The following PTPRN2 variants were observed in gnomAD, a reference collection of about 807,000 sequenced individuals.
The protein encoded by PTPRN2 is protein tyrosine phosphatase receptor type N2.
Under a neutral mutation model 118.8 loss-of-function variants are expected in PTPRN2, and 74 were observed. That is an observed-to-expected ratio of 0.62 (90% CI 0.52 to 0.76). The LOEUF (loss-of-function observed/expected upper bound fraction) is 0.76. PTPRN2 is among the 30% of genes least tolerant of loss of function. The probability of loss-of-function intolerance (pLI) is 0.00; values close to 1 mark genes in which losing one functional copy is unlikely to be tolerated. For missense variants in PTPRN2, 1,481 were observed against 1,394.4 expected (o/e 1.06, Z -0.99); for synonymous variants, 641 against 608.0 (o/e 1.05, Z -0.80).
chr7:158,359,649 G>A (rs140209257), intron 2 of PTPRN2, among the ~76,000 whole-genome samples: 4,586 of 152,216 alleles, frequency 0.03, 106 homozygotes, highest in Middle Eastern at 0.048. Flanking sequence ...TTACTGCACC[G>A]TGACCATGGC....
rs1318121005 is a variant in PTPRN2, at chr7:158,336,768, T to A, written c.164-19836A>T. ...GTCACTCACACCCACAGTCTCACCA[T>A]AAGAGGTGACACCTGCAGACGTCAC... is the stretch of plus-strand genomic sequence containing the variant. On this transcript the variant is annotated intron_variant, in intron 2 of 22. Coordinates refer to ENST00000389418, the MANE Select transcript of PTPRN2 (RefSeq NM_002847.5). Among the ~76,000 whole-genome samples, 4 of 98,604 alleles carry A rather than the reference T, an allele frequency of 4.1e-5. 1 individual carries two copies. Among genetic ancestry groups the A allele is most frequent in the Non-Finnish European group, 9.1e-5 (4 of 44,178 alleles). 64.7% of individuals were successfully genotyped at this position (98,604 alleles called of 152,430 possible). A position where few individuals can be genotyped will look rare whatever the true frequency, so the allele number is the denominator to read the frequency against.
At chr7:158,262,915 GCACACACATTCACACACTGCA>G (rs1464680770) in intron 3 of PTPRN2, among the ~76,000 whole-genome samples, 3,229 of 126,380 alleles carry the variant, frequency 0.026, 108 homozygotes, top group African/African-American at 0.092. Context: ...CATTCACACT[GCACACACATTCACACACTGCA>G]CACACACATT....
chr7:158,194,250 G>A (rs1186028103), intron 4 of PTPRN2, among the ~76,000 whole-genome samples: 3 of 152,214 alleles, frequency 2.0e-5, no homozygotes, highest in South Asian at 2.1e-4. Context: ...CAAAGATTTC[G>A]TAGACATGGA....
intron 2 of PTPRN2, among the ~76,000 whole-genome samples, chr7:158,334,675 AC>A (rs1302212331): frequency 1.9e-4 from 15 of 77,938 alleles, no homozygotes; most frequent in Admixed American, 5.5e-4. Flanking sequence ...TGCAGACGTC[AC>A]TCACACCCAC....
At chr7:158,476,551 C>T (rs940773574) in intron 2 of PTPRN2, among the ~76,000 whole-genome samples, 13 of 152,192 alleles carry the variant, frequency 8.5e-5, no homozygotes, top group African/African-American at 2.4e-4. Flanking sequence ...AGACGCCGCT[C>T]GGGAGGGAGA....
At position 157,763,765 on chromosome 7, in the gene PTPRN2, GA is replaced by G. The variant is rs1802285450; in HGVS notation, c.1789-80829del. ...TTGCTGGAGTCTCCTGAGGGCAGGA[GA>G]GCCCCGGCAGTGGTAGGAGGAGGCT... On this transcript the variant is annotated intron_variant, in intron 12 of 22. Transcript: ENST00000389418. The surrounding 1 kb of genome is among the most constrained non-coding windows in gnomAD (Gnocchi z 4.9). 3.3e-5 allele frequency among the ~76,000 whole-genome samples: 5 copies of G among 152,060 alleles called. No homozygotes were observed. The highest frequency in any genetic ancestry group is 3.3e-4 in the Admixed American group (5 of 15,276).
intron 11 of PTPRN2, among the ~76,000 whole-genome samples, chr7:157,943,500 G>T (rs6946137): frequency 0.85 from 127,958 of 151,398 alleles, 54,197 homozygotes; most frequent in East Asian, 0.89. Flanking sequence ...CCCCACCTCC[G>T]CCCCATCCCT....
intron 12 of PTPRN2, among the ~76,000 whole-genome samples, chr7:157,749,064 G>C (rs1167894667): frequency 2.5e-4 from 25 of 100,978 alleles, no homozygotes; most frequent in African/African-American, 8.6e-4. Flanking sequence ...TCCCTGAGCT[G>C]TGGGCTGTCC....
intron 11 of PTPRN2, among the ~76,000 whole-genome samples, chr7:157,995,924 CA>C (rs1451856759): frequency 6.6e-6 from 1 of 152,204 alleles, no homozygotes; most frequent in East Asian, 1.9e-4. Context: ...TGTGTCCACA[CA>C]ATGGAATACT....
intron 12 of PTPRN2, among the ~76,000 whole-genome samples, chr7:157,837,558 C>T (rs772625411): frequency 6.6e-6 from 1 of 151,780 alleles, no homozygotes; most frequent in Non-Finnish European, 1.5e-5. Context: ...CCCCAGCACA[C>T]GCACCCAGGA....
chr7:158,369,521 C>T lies in PTPRN2; in HGVS notation c.164-52589G>A, dbSNP rs1004783378. 5.9e-5 allele frequency among the ~76,000 whole-genome samples: 9 copies of T among 152,182 alleles called. No homozygotes were observed. In the East Asian group the frequency reaches 9.7e-4, roughly 16 times the overall value. ...GGCCACACATGGCATCTGCCTGAAC[C>T]GAGAGGAAACGCCTCCCACTGTCCA... On this transcript the variant is annotated intron_variant, in intron 2 of 22. Transcript: ENST00000389418.
chr7:158,473,399 C>T (rs1016995625), intron 2 of PTPRN2, among the ~76,000 whole-genome samples: 1 of 152,222 alleles, frequency 6.6e-6, no homozygotes, highest in Non-Finnish European at 1.5e-5. Flanking sequence ...CGGGAGGCTA[C>T]ATCCACGCCC....
At position 157,615,499 on chromosome 7, in the gene PTPRN2, G is replaced by T. The variant is rs777149278; in HGVS notation, c.2344+5863C>A. On this transcript the variant is annotated intron_variant, in intron 15 of 22. Coordinates refer to ENST00000389418, the MANE Select transcript of PTPRN2 (RefSeq NM_002847.5). This position sits in a 1 kb window ranked among gnomAD's most constrained non-coding sequence, Gnocchi z 4.3. ...TGATGAGCCTTTGCCAATATGCTCG[G>T]GACCTGGGGACGGCTGGGGTGACCC... The T allele has an allele frequency of 2.1e-6, 1 of 471,206 alleles. No individual in the cohort carries two copies. Among genetic ancestry groups the T allele is most frequent in the African/African-American group, 2.0e-5 (1 of 50,212 alleles). The allele number at this position is 471,206 out of a possible 1,614,324, so 29.2% of individuals were successfully genotyped here. A position where few individuals can be genotyped will look rare whatever the true frequency, so the allele number is the denominator to read the frequency against.
intron 5 of PTPRN2, among the ~76,000 whole-genome samples, chr7:158,174,190 A>G (rs1823971977): frequency 6.6e-6 from 1 of 152,204 alleles, no homozygotes; most frequent in Admixed American, 6.5e-5. Context: ...GAACTGATAA[A>G]TGTCCATGAA....
At chr7:157,993,904 C>A (rs1330535940) in intron 11 of PTPRN2, among the ~76,000 whole-genome samples, 1 of 152,132 alleles carries the variant, frequency 6.6e-6, no homozygotes, top group Admixed American at 6.5e-5. Flanking sequence ...GTCAGTGGCC[C>A]CCCATGCACT....
chr7:158,068,105 T>G (rs1810916953), intron 11 of PTPRN2, among the ~76,000 whole-genome samples: 1 of 151,992 alleles, frequency 6.6e-6, no homozygotes, highest in Non-Finnish European at 1.5e-5. Context: ...CAGGACTTGG[T>G]GGGGGTCCAG....
chr7:158,444,113 C>G (rs991365809), intron 2 of PTPRN2, among the ~76,000 whole-genome samples: 1 of 152,228 alleles, frequency 6.6e-6, no homozygotes, highest in African/African-American at 2.4e-5. Context: ...CACTGCCACT[C>G]ACCCCTCCAA....
At chr7:158,130,714 A>G (rs1818135417) in intron 9 of PTPRN2, among the ~76,000 whole-genome samples, 1 of 141,786 alleles carries the variant, frequency 7.1e-6, no homozygotes, top group Non-Finnish European at 1.5e-5. Context: ...ACACACTCAT[A>G]TACACACATG....
chr7:157,736,790 T>A (rs1800324917), intron 12 of PTPRN2, among the ~76,000 whole-genome samples: 1 of 152,092 alleles, frequency 6.6e-6, no homozygotes, highest in Admixed American at 6.5e-5. Flanking sequence ...CTCACCTACA[T>A]CTTACATGCA....
Sources: gnomAD v4.1 joint callset for allele counts (sites outside exome capture counted in the v4.1 genomes callset) on GRCh38, gnomAD v4.1.1 for gene constraint, Gnocchi (gnomAD v3.1) non-coding constraint, MANE v1.5 for transcripts, NCBI Gene and HGNC (gene_info 2026-07-23, HGNC 2026-07-21) for gene names.